Variants in DYNC2I1 observed in about 807,000 individuals in gnomAD.
The protein encoded by DYNC2I1 is dynein 2 intermediate chain 1.
DYNC2I1 carries 89 observed loss-of-function variants against 133.4 expected under a neutral mutation model. The observed-to-expected ratio is 0.67, with a 90% CI of 0.56 to 0.80. DYNC2I1 has a LOEUF of 0.80. DYNC2I1 is among the 30% of genes least tolerant of loss of function. The probability of loss-of-function intolerance (pLI) is 0.00; values close to 1 mark genes in which losing one functional copy is unlikely to be tolerated. For missense variants in DYNC2I1, 1,291 were observed against 1,314.5 expected (o/e 0.98, Z 0.28); for synonymous variants, 504 against 484.3 (o/e 1.04, Z -0.54).
At chr7:158,850,847 A>G in the DYNC2I1 span, among the ~76,000 whole-genome samples, 1 of 152,138 alleles carries the variant, frequency 6.6e-6, no homozygotes, top group Non-Finnish European at 1.5e-5. Flanking sequence ...CTGGGGCAGC[A>G]AGGAGGAGAT....
intron 1 of DYNC2I1, among the ~76,000 whole-genome samples, chr7:158,864,040 CGGGGTGG>C (rs1842171973): frequency 2.3e-5 from 1 of 43,634 alleles, no homozygotes; most frequent in South Asian, 9.3e-4. Flanking sequence ...CTGGGTGTGG[CGGGGTGG>C]GGAGCGGGAA....
chr7:158,953,048 A>C (rs541103144), intron 4 of DYNC2I1, among the ~76,000 whole-genome samples: 1 of 152,276 alleles, frequency 6.6e-6, no homozygotes, highest in African/African-American at 2.4e-5. Flanking sequence ...CCATGGGCTA[A>C]CAGGACAGGG....
intron 1 of DYNC2I1, among the ~76,000 whole-genome samples, chr7:158,864,834 A>G (rs1052967529): frequency 1.3e-5 from 2 of 152,204 alleles, no homozygotes; most frequent in African/African-American, 4.8e-5. Flanking sequence ...ACATTTCTTA[A>G]TGTTCAATTA....
chr7:158,871,033 A>G (rs1842826707), intron 2 of DYNC2I1, 109 bp from the exon 3 acceptor site: 1 of 1,277,204 alleles, frequency 7.8e-7, no homozygotes, highest in Non-Finnish European at 1.1e-6. Flanking sequence ...TTGAATGCAA[A>G]TATGTTTTAA....
intron 13 of DYNC2I1, 60 bp from the exon 14 acceptor site, chr7:158,914,173 T>C (rs997721388): frequency 5.8e-6 from 8 of 1,387,928 alleles, no homozygotes; most frequent in Admixed American, 2.0e-5. Flanking sequence ...TCTTAAGATG[T>C]GTAATGCATG....
the DYNC2I1 span, among the ~76,000 whole-genome samples, chr7:158,840,347 G>A: frequency 7.2e-5 from 11 of 152,172 alleles, no homozygotes; most frequent in African/African-American, 2.7e-4. Flanking sequence ...AGGTGGATCC[G>A]TCGAAGTCGG....
intron 1 of DYNC2I1, among the ~76,000 whole-genome samples, chr7:158,865,019 G>T (rs953835033): frequency 6.6e-6 from 1 of 152,208 alleles, no homozygotes; most frequent in African/African-American, 2.4e-5. Flanking sequence ...AACAATGAGC[G>T]TCAGGTCCAG....
Position 158,901,802 on chromosome 7 carries a change from G to A in DYNC2I1, c.1123G>A (p.Glu375Lys). The change falls in exon 9 of 25, where the codon GAA becomes AAA. Residue 375 changes from glutamate to lysine, a missense_variant. Glu to Lys is a moderately conservative substitution (Grantham distance 56). Transcript: ENST00000407559. The part of the protein sequence containing the change: ...ARADAYTASC[E>K]DDFEDYEDDF... ...AGCTGATGCATATACAGCCAGTTGT[G>A]AAGATGATTTTGAAGTATGTATAAA... The A allele has an allele frequency of 6.4e-7, 1 of 1,573,680 alleles. No homozygotes were observed. The highest frequency in any genetic ancestry group is 8.6e-7 in the Non-Finnish European group (1 of 1,159,966).
chr7:158,956,115 C>T (rs1197094884), intron 4 of DYNC2I1, among the ~76,000 whole-genome samples: 2 of 152,224 alleles, frequency 1.3e-5, no homozygotes, highest in Non-Finnish European at 2.9e-5. Context: ...ATGTGAGCGT[C>T]TAGACCGGGA....
At chr7:158,873,614 T>G (rs1377584239) in intron 3 of DYNC2I1, among the ~76,000 whole-genome samples, 1 of 152,182 alleles carries the variant, frequency 6.6e-6, no homozygotes, top group African/African-American at 2.4e-5. Context: ...TATATTTTAT[T>G]TGTTGATTTA....
intron 1 of DYNC2I1, among the ~76,000 whole-genome samples, chr7:158,867,891 C>T (rs115650684): frequency 0.019 from 2,895 of 152,268 alleles, 72 homozygotes; most frequent in African/African-American, 0.065. Context: ...CCCCGTCCTC[C>T]TCATCAGAAG....
Position 158,879,896 on chromosome 7 carries a change from A to C in DYNC2I1, c.786A>C (p.Lys262Asn), listed in dbSNP as rs777942940. Residue 262 changes from lysine to asparagine, a missense_variant, in exon 5 of 25, where the codon AAA (lysine) becomes AAC (asparagine). Transcript: ENST00000407559. ...AAAGACATAAAGAAAAGCGACACAA[A>C]GAAGGTTTTCATTTTGATGATGAGA... ...GEERHKEKRH[K>N]EGFHFDDERH... is the part of the protein sequence containing the mutation. 6.8e-6 allele frequency: 11 copies of C among 1,613,352 alleles called. No individual in the cohort carries two copies. Among genetic ancestry groups the C allele is most frequent in the Non-Finnish European group, 9.3e-6 (11 of 1,179,746 alleles).
the DYNC2I1 span, among the ~76,000 whole-genome samples, chr7:158,851,081 G>A: frequency 3.6e-4 from 55 of 152,026 alleles, no homozygotes; most frequent in South Asian, 1.0e-3. Flanking sequence ...GAGCAATTGG[G>A]TTTTGTGAGC....
chr7:158,883,388 T>A (rs900463225), intron 5 of DYNC2I1, among the ~76,000 whole-genome samples: 59 of 150,894 alleles, frequency 3.9e-4, no homozygotes, highest in African/African-American at 1.2e-3. Flanking sequence ...TATTATTTTT[T>A]TTTTTTTTGT....
At chr7:158,923,887 A>C (rs1849351133) in intron 17 of DYNC2I1, among the ~76,000 whole-genome samples, 154 bp downstream of exon 17, 1 of 152,246 alleles carries the variant, frequency 6.6e-6, no homozygotes, top group Non-Finnish European at 1.5e-5. Context: ...TAAATACAAA[A>C]AACAGAAATC....
At chr7:158,953,074 CAG>C (rs1201391787) in intron 4 of DYNC2I1, among the ~76,000 whole-genome samples, 1 of 152,218 alleles carries the variant, frequency 6.6e-6, no homozygotes, top group Admixed American at 6.5e-5. Flanking sequence ...TGTGGCCAGA[CAG>C]ACCCTGGTGG....
chr7:158,880,570 A>AT (rs944308469), intron 5 of DYNC2I1, among the ~76,000 whole-genome samples: 15 of 152,180 alleles, frequency 9.9e-5, no homozygotes, highest in African/African-American at 3.1e-4. Context: ...TCAAAAAAAA[A>AT]TTTTTTTTGA....
Position 158,946,114 on chromosome 7 carries a change from T to C in DYNC2I1, c.*335T>C. On this transcript the variant is annotated 3_prime_UTR_variant, in exon 25 of 25. Coordinates refer to ENST00000407559, the MANE Select transcript of DYNC2I1 (RefSeq NM_018051.5). ...TTTTAAACAGCCTACCATGAAAATG[T>C]ATCTTAATGAACTATTTTCTTATGC... 1 of 184,980 alleles carries C rather than the reference T, an allele frequency of 5.4e-6. No homozygotes were observed. The highest frequency in any genetic ancestry group is 1.1e-5 in the Non-Finnish European group (1 of 90,116). 11.5% of individuals were successfully genotyped at this position (184,980 alleles called of 1,614,324 possible).
chr7:158,881,072 A>C (rs1400459228), intron 5 of DYNC2I1, among the ~76,000 whole-genome samples: 1 of 152,252 alleles, frequency 6.6e-6, no homozygotes, highest in East Asian at 1.9e-4. Context: ...GTAAAACGCG[A>C]ATGCCAGTGG....
Sources: gnomAD v4.1 joint callset for allele counts (sites outside exome capture counted in the v4.1 genomes callset) on GRCh38, gnomAD v4.1.1 for gene constraint, MANE v1.5 for transcripts, NCBI Gene and HGNC (gene_info 2026-07-23, HGNC 2026-07-21) for gene names.